The following GNAQ variants were observed in gnomAD, a reference collection of about 807,000 sequenced individuals.
The protein encoded by GNAQ is guanine nucleotide-binding protein G(q) subunit alpha.
Under a neutral mutation model 43.9 loss-of-function variants are expected in GNAQ, and 8 were observed. The ratio of observed to expected loss-of-function variants is 0.18; its 90% CI spans 0.11 to 0.33. The LOEUF is 0.33. Ranked by LOEUF, GNAQ falls within the 10% of genes least tolerant of loss-of-function variation. The pLI is 1.00. For synonymous variants in GNAQ, 155 were observed against 170.7 expected, an observed-to-expected ratio of 0.91 and a Z score of 0.71; for missense variants, 158 against 450.8, an observed-to-expected ratio of 0.35 and a Z score of 5.88.
intron 1 of GNAQ, among the ~76,000 whole-genome samples, chr9:77,971,364 G>T (rs1035060879): frequency 6.6e-6 from 1 of 152,078 alleles, no homozygotes; most frequent in South Asian, 2.1e-4. Context: ...GATGAACATC[G>T]ATGCAAAAAT....
At chr9:77,867,523 A>G (rs777903487) in intron 2 of GNAQ, among the ~76,000 whole-genome samples, 7 of 152,190 alleles carry the variant, frequency 4.6e-5, no homozygotes, top group African/African-American at 7.2e-5. Flanking sequence ...TTGATTTAAA[A>G]TTTTGCAGTC....
chr9:78,011,313 G>A (rs902951722), intron 1 of GNAQ, among the ~76,000 whole-genome samples: 2 of 152,034 alleles, frequency 1.3e-5, no homozygotes, highest in African/African-American at 2.4e-5. Flanking sequence ...ACAGACCCAA[G>A]ACAAATAGGG....
intron 1 of GNAQ, among the ~76,000 whole-genome samples, chr9:77,931,320 C>T (rs931656796): frequency 6.6e-6 from 1 of 151,948 alleles, no homozygotes; most frequent in Admixed American, 6.5e-5. Flanking sequence ...TCACTGGGTG[C>T]GGTGGCTCAC....
chr9:77,995,167 A>T (rs1255408729), intron 1 of GNAQ, among the ~76,000 whole-genome samples: 1 of 152,224 alleles, frequency 6.6e-6, no homozygotes, highest in African/African-American at 2.4e-5. Context: ...ATGAGATAGC[A>T]CTATTATTAA....
intron 2 of GNAQ, among the ~76,000 whole-genome samples, chr9:77,914,028 TG>T (rs1828854407): frequency 6.6e-6 from 1 of 152,208 alleles, no homozygotes. Flanking sequence ...TGGCATGCCT[TG>T]GGATTACGAA....
chr9:77,869,841 G>T (rs558348560), intron 2 of GNAQ, among the ~76,000 whole-genome samples: 2 of 152,236 alleles, frequency 1.3e-5, no homozygotes, highest in African/African-American at 4.8e-5. Context: ...GGTCCCCTTT[G>T]CTACTAGCCT....
chr9:78,022,862 T>C (rs114559799), intron 1 of GNAQ, among the ~76,000 whole-genome samples: 161 of 152,260 alleles, frequency 1.1e-3, no homozygotes, highest in African/African-American at 3.3e-3. Flanking sequence ...ACCACAAAAA[T>C]GTACTCAGGC....
chr9:77,857,702 G>A (rs75137779), intron 2 of GNAQ, among the ~76,000 whole-genome samples: 11,892 of 149,018 alleles, frequency 0.08, 613 homozygotes, highest in South Asian at 0.17. Flanking sequence ...AAGGAAGACA[G>A]GAAAGGGAGG....
chr9:77,918,250 C>T (rs879879121), intron 2 of GNAQ, among the ~76,000 whole-genome samples: 1 of 152,064 alleles, frequency 6.6e-6, no homozygotes, highest in African/African-American at 2.4e-5. Context: ...TTATGCTGGA[C>T]AATATTAGAA....
intron 1 of GNAQ, among the ~76,000 whole-genome samples, chr9:77,950,536 T>G (rs1228736835): frequency 6.6e-6 from 1 of 152,232 alleles, no homozygotes; most frequent in Non-Finnish European, 1.5e-5. Flanking sequence ...CTTTCTCATG[T>G]ATGAAAAACA....
At position 77,966,372 on chromosome 9, in the gene GNAQ, TAA is replaced by T. The variant is rs1439929742; in HGVS notation, c.137-44029_137-44028del. Among the ~76,000 whole-genome samples the T allele has an allele frequency of 2.0e-5, 3 of 152,202 alleles. No individual in the cohort carries two copies. In the East Asian group the frequency reaches 5.8e-4, roughly 29 times the overall value. On this transcript the variant is annotated intron_variant, in intron 1 of 6. Transcript: ENST00000286548. The stretch of plus-strand genomic sequence containing the variant: ...TACAAAATGTTATTACAACAAACTA[TAA>T]GAGACAATGTAAATTCTATTTTACT...
intron 1 of GNAQ, among the ~76,000 whole-genome samples, chr9:77,951,259 G>A (rs1053473950): frequency 2.0e-5 from 3 of 151,802 alleles, no homozygotes; most frequent in African/African-American, 7.3e-5. Context: ...CACCATGCCC[G>A]GCTAATTTTT....
At chr9:77,907,409 A>C (rs1416965334) in intron 2 of GNAQ, among the ~76,000 whole-genome samples, 1 of 152,196 alleles carries the variant, frequency 6.6e-6, no homozygotes, top group Non-Finnish European at 1.5e-5. Context: ...GAAAGAAAGA[A>C]TATATGAGCT....
intron 2 of GNAQ, among the ~76,000 whole-genome samples, chr9:77,846,751 G>A (rs1244651598): frequency 1.3e-5 from 2 of 152,108 alleles, no homozygotes; most frequent in African/African-American, 4.8e-5. Flanking sequence ...TATCCTTAGA[G>A]TCTAATATAA....
intron 2 of GNAQ, among the ~76,000 whole-genome samples, chr9:77,847,770 G>A (rs1338398136): frequency 2.0e-5 from 3 of 152,174 alleles, no homozygotes; most frequent in Non-Finnish European, 2.9e-5. Flanking sequence ...TGTGCAAAGG[G>A]ACATGTGGTG....
intron 5 of GNAQ, among the ~76,000 whole-genome samples, chr9:77,739,007 T>C (rs188427128): frequency 6.6e-6 from 1 of 152,294 alleles, no homozygotes; most frequent in East Asian, 1.9e-4. Flanking sequence ...ATTTTCATGG[T>C]TGAAATTTTC....
intron 5 of GNAQ, among the ~76,000 whole-genome samples, chr9:77,735,876 G>A (rs377416575): frequency 1.3e-5 from 2 of 152,064 alleles, no homozygotes; most frequent in Admixed American, 1.3e-4. Context: ...TTGGGCAAGT[G>A]GCTAAATATC....
At chr9:77,798,784 G>A (rs1339679846) in intron 3 of GNAQ, among the ~76,000 whole-genome samples, 1 of 152,172 alleles carries the variant, frequency 6.6e-6, no homozygotes. Context: ...TACATGTTCA[G>A]TAAAGATACA....
chr9:77,910,768 T>C (rs1003714075), intron 2 of GNAQ, among the ~76,000 whole-genome samples: 4 of 152,344 alleles, frequency 2.6e-5, no homozygotes, highest in Middle Eastern at 3.4e-3. Flanking sequence ...TTCCAGACTA[T>C]GTAATTCTCA....
Sources: allele counts gnomAD v4.1 joint callset (sites outside exome capture counted in the v4.1 genomes callset), GRCh38; gene constraint gnomAD v4.1.1; transcripts MANE v1.5; gene names NCBI Gene and HGNC (gene_info 2026-07-23, HGNC 2026-07-21).